C8orf34: variants seen among roughly 807,000 people sequenced by gnomAD.
The protein encoded by C8orf34 is chromosome 8 open reading frame 34, also known as uncharacterized protein C8orf34.
Under a neutral mutation model 68.3 loss-of-function variants are expected in C8orf34, and 65 were observed. That is an observed-to-expected ratio of 0.95 (90% CI 0.78 to 1.17). The LOEUF is 1.17. Ranked by LOEUF, C8orf34 falls within the 50% of genes most tolerant of loss-of-function variation. The probability of loss-of-function intolerance (pLI) is 0.00; values close to 1 mark genes in which losing one functional copy is unlikely to be tolerated. For missense variants in C8orf34, 664 were observed against 655.4 expected, an observed-to-expected ratio of 1.01 and a Z score of -0.14; for synonymous variants, 244 against 241.2, an observed-to-expected ratio of 1.01 and a Z score of -0.11.
At chr8:68,650,728 C>T (rs540033033) in intron 8 of C8orf34, among the ~76,000 whole-genome samples, 1 of 152,216 alleles carries the variant, frequency 6.6e-6, no homozygotes, top group South Asian at 2.1e-4. Context: ...ATCCGCCCGC[C>T]TCGGCCTCCC....
intron 1 of C8orf34, among the ~76,000 whole-genome samples, chr8:68,433,318 AT>A (rs1810524591): frequency 6.6e-6 from 1 of 152,182 alleles, no homozygotes; most frequent in Non-Finnish European, 1.5e-5. Context: ...TGCTATTAAT[AT>A]TTGAGATAAT....
In C8orf34 at chr8:68,547,731, C is replaced by A. The variant is rs190537695; in HGVS notation, c.1105+14582C>A. Among the ~76,000 whole-genome samples the A allele has an allele frequency of 4.9e-3, 748 of 151,686 alleles. 2 individuals carry two copies. Among genetic ancestry groups the A allele is most frequent in the Non-Finnish European group, 8.4e-3 (567 of 67,656 alleles). ...CTAAAGTTTATATGGAAATAATGAC[C>A]TTGAATGGCCAAAATCATCTGAAGA... On this transcript the variant is annotated intron_variant, in intron 7 of 13. Coordinates refer to ENST00000518698, the MANE Select transcript of C8orf34 (RefSeq NM_052958.4).
intron 8 of C8orf34, among the ~76,000 whole-genome samples, chr8:68,645,484 A>T (rs1013114634): frequency 1.3e-5 from 2 of 152,130 alleles, no homozygotes; most frequent in African/African-American, 4.8e-5. Context: ...TGCCTGGCTA[A>T]GGGAGAAATC....
At chr8:68,439,371 G>C (rs2129625744) in intron 1 of C8orf34, 128 bp from the exon 2 acceptor site, 1 of 719,284 alleles carries the variant, frequency 1.4e-6, no homozygotes, top group East Asian at 2.9e-5. Context: ...ATTGTTATAA[G>C]CATGGAGTTA....
At position 68,468,945 on chromosome 8, in the gene C8orf34, C is replaced by A. The variant is rs190149523; in HGVS notation, c.736+125C>A. On this transcript the variant is annotated intron_variant, in intron 4 of 13. Transcript: ENST00000518698. ...TAATTCTGCAAGAGGCTGAGTAGTT[C>A]TAAGGGCATGAGATTGGAAAGGAAC... is the stretch of plus-strand genomic sequence containing the variant. 7.6e-5 allele frequency: 79 copies of A among 1,033,260 alleles called. 2 individuals are homozygous for A. In the East Asian group the frequency reaches 1.3e-3, roughly 17 times the overall value. The allele number at this position is 1,033,260 out of a possible 1,614,324, so 64.0% of individuals were successfully genotyped here.
At chr8:68,666,443 AG>A (rs1201294859) in intron 8 of C8orf34, among the ~76,000 whole-genome samples, 9 of 152,252 alleles carry the variant, frequency 5.9e-5, no homozygotes, top group African/African-American at 2.2e-4. Flanking sequence ...GGAGAATGAA[AG>A]GATTTTCAGA....
chr8:68,470,252 G>A (rs1469081206), intron 4 of C8orf34, among the ~76,000 whole-genome samples: 1 of 152,012 alleles, frequency 6.6e-6, no homozygotes, highest in East Asian at 1.9e-4. Flanking sequence ...ACCATTTGGG[G>A]CAGAGCTTCA....
chr8:68,379,655 TACA>T (rs1252194357), intron 1 of C8orf34, among the ~76,000 whole-genome samples: 2 of 152,342 alleles, frequency 1.3e-5, no homozygotes, highest in Non-Finnish European at 2.9e-5. Context: ...ATCTCATTCC[TACA>T]ACAAGTCACT....
intron 8 of C8orf34, among the ~76,000 whole-genome samples, chr8:68,680,525 C>G (rs1355126808): frequency 6.6e-6 from 1 of 152,044 alleles, no homozygotes; most frequent in Non-Finnish European, 1.5e-5. Flanking sequence ...TTAAGGGTTT[C>G]AAAAGGGGAG....
chr8:68,402,528 A>G (rs956635839), intron 1 of C8orf34, among the ~76,000 whole-genome samples: 4 of 151,784 alleles, frequency 2.6e-5, no homozygotes, highest in Admixed American at 6.6e-5. Flanking sequence ...TACTTTTTTG[A>G]TGTAGGCATT....
chr8:68,533,758 A>G, intron 7 of C8orf34: 1 of 960,518 alleles, frequency 1.0e-6, no homozygotes, highest in Non-Finnish European at 1.2e-6. Flanking sequence ...TTGCTTCATC[A>G]GAAATCTCTT....
intron 7 of C8orf34, among the ~76,000 whole-genome samples, chr8:68,558,019 A>G (rs1056200393): frequency 3.9e-5 from 6 of 152,204 alleles, no homozygotes; most frequent in African/African-American, 1.4e-4. Flanking sequence ...AACTGGAGAA[A>G]GAAAACGTGG....
At chr8:68,448,962 T>A (rs1018657409) in intron 3 of C8orf34, among the ~76,000 whole-genome samples, 1 of 152,070 alleles carries the variant, frequency 6.6e-6, no homozygotes. Context: ...ATCATAATAC[T>A]AAAGCGTTAT....
At chr8:68,688,935 T>A (rs1820606232) in intron 8 of C8orf34, among the ~76,000 whole-genome samples, 1 of 151,972 alleles carries the variant, frequency 6.6e-6, no homozygotes, top group Non-Finnish European at 1.5e-5. Context: ...TGACACACAT[T>A]TACCTATGTA....
chr8:68,475,697 C>T (rs1812583511), intron 4 of C8orf34, among the ~76,000 whole-genome samples: 2 of 152,130 alleles, frequency 1.3e-5, no homozygotes, highest in South Asian at 4.1e-4. Context: ...AAGCTAAAGA[C>T]CAGCAGTTTT....
intron 12 of C8orf34, among the ~76,000 whole-genome samples, chr8:68,793,150 T>G (rs1480032951): frequency 6.6e-6 from 1 of 152,148 alleles, no homozygotes; most frequent in Non-Finnish European, 1.5e-5. Flanking sequence ...ATTTTGATAT[T>G]CACATTGTAA....
In C8orf34 at chr8:68,709,025, G is replaced by A. The variant is rs560374307; in HGVS notation, c.1273G>A (p.Glu425Lys). ...AGGAGACAACCTGGAAGAAAGGACA[G>A]AAGAGTCACTACCAATACTCCATTC... ...LQGDNLEERT[E>K]ESLPILHSPD... Residue 425 changes from glutamate to lysine, a missense_variant, in exon 9 of 14, where the codon GAA (glutamate) becomes AAA (lysine). Transcript: ENST00000518698. 5.6e-6 allele frequency: 9 copies of A among 1,605,900 alleles called. No homozygotes were observed. Among genetic ancestry groups the A allele is most frequent in the Admixed American group, 3.5e-5 (2 of 57,466 alleles).
intron 9 of C8orf34, among the ~76,000 whole-genome samples, chr8:68,709,625 G>T (rs574117743): frequency 6.6e-6 from 1 of 152,146 alleles, no homozygotes; most frequent in African/African-American, 2.4e-5. Context: ...TTTTGTATTT[G>T]CCCTAATACT....
intron 10 of C8orf34, among the ~76,000 whole-genome samples, chr8:68,764,735 G>T (rs577829249): frequency 6.6e-6 from 1 of 152,122 alleles, no homozygotes; most frequent in Non-Finnish European, 1.5e-5. Flanking sequence ...CTAGAGCACC[G>T]GGAGCTTCCT....
Sources: allele counts gnomAD v4.1 joint callset (sites outside exome capture counted in the v4.1 genomes callset), GRCh38; gene constraint gnomAD v4.1.1; transcripts MANE v1.5; gene names NCBI Gene and HGNC (gene_info 2026-07-23, HGNC 2026-07-21).